ADAM17: variants seen among roughly 807,000 people sequenced by gnomAD.
ADAM17 encodes the protein ADAM metallopeptidase domain 17.
Under a neutral mutation model 96.7 loss-of-function variants are expected in ADAM17, and 39 were observed. The ratio of observed to expected loss-of-function variants is 0.40; its 90% CI spans 0.31 to 0.53. The LOEUF is 0.53. ADAM17 is among the 20% of genes least tolerant of loss of function. The pLI, the probability that ADAM17 is intolerant of heterozygous loss-of-function variation, is 0.44. For synonymous variants in ADAM17, 344 were observed against 359.2 expected (o/e 0.96, Z 0.48); for missense variants, 777 against 1,013.2 (o/e 0.77, Z 3.17).
intron 13 of ADAM17, among the ~76,000 whole-genome samples, chr2:9,498,755 GGTT>G: frequency 6.6e-6 from 1 of 152,236 alleles, no homozygotes; most frequent in African/African-American, 2.4e-5. Flanking sequence ...GCTCAGGGAA[GGTT>G]TATATTGTGG....
At chr2:9,541,827 T>G (rs1043227695) in intron 2 of ADAM17, among the ~76,000 whole-genome samples, 4 of 149,880 alleles carry the variant, frequency 2.7e-5, no homozygotes, top group African/African-American at 9.8e-5. Flanking sequence ...TCACTTGAGG[T>G]GAGGAGTTCA....
rs146439638 is a variant in ADAM17, at chr2:9,502,749, C to T, written c.1545-473G>A. ...CAAAAATTAGCTGGGCGTGGTGGTG[C>T]GCTCCTGTAATCCCAGCTACTTAGA... On this transcript the variant is annotated intron_variant, in intron 12 of 18. Coordinates refer to ENST00000310823, the MANE Select transcript of ADAM17 (RefSeq NM_003183.6). 4.6e-3 allele frequency among the ~76,000 whole-genome samples: 692 copies of T among 151,110 alleles called. 9 individuals are homozygous for T. The highest frequency in any genetic ancestry group is 0.016 in the African/African-American group (644 of 41,114).
intron 8 of ADAM17, among the ~76,000 whole-genome samples, chr2:9,518,902 G>C (rs977488660): frequency 2.0e-5 from 3 of 151,506 alleles, no homozygotes; most frequent in Non-Finnish European, 4.4e-5. Flanking sequence ...AATTTGGGGG[G>C]GGGGTTTGAT....
At chr2:9,532,149 A>G (rs1267862462) in intron 4 of ADAM17, among the ~76,000 whole-genome samples, 1 of 152,174 alleles carries the variant, frequency 6.6e-6, no homozygotes, top group African/African-American at 2.4e-5. Context: ...AATAAGATAT[A>G]TATTTTTTCC....
intron 10 of ADAM17, among the ~76,000 whole-genome samples, chr2:9,516,104 C>A (rs919201120): frequency 2.0e-5 from 3 of 152,120 alleles, no homozygotes; most frequent in Non-Finnish European, 4.4e-5. Flanking sequence ...TGACATATGA[C>A]GCTGAGCATC....
rs17525468 is a variant in ADAM17, at chr2:9,527,622, T to C, written c.619+164A>G. On this transcript the variant is annotated intron_variant, in intron 5 of 18. Transcript: ENST00000310823. Reference sequence around the variant, plus strand: ...TCCAGAGTTTTCAACTCTTACATTATAAACAAAAGAAGATGAAAATTTCTG... The same window carrying C: ...TCCAGAGTTTTCAACTCTTACATTACAAACAAAAGAAGATGAAAATTTCTG... 75,739 of 435,774 alleles carry C rather than the reference T, an allele frequency of 0.17. 7,278 individuals are homozygous for C. The highest frequency in any genetic ancestry group is 0.26 in the Middle Eastern group (427 of 1,656). The allele number at this position is 435,774 out of a possible 1,614,324, so 27.0% of individuals were successfully genotyped here.
Position 9,503,890 on chromosome 2 carries a change from T to C in ADAM17, c.1544+1276A>G, listed in dbSNP as rs576148493. Among the ~76,000 whole-genome samples, 11 of 149,832 alleles carry C rather than the reference T, an allele frequency of 7.3e-5. No homozygotes were observed. The East Asian group carries it at 2.0e-3, about 27-fold the overall frequency. On this transcript the variant is annotated intron_variant, in intron 12 of 18. Coordinates refer to ENST00000310823, the MANE Select transcript of ADAM17 (RefSeq NM_003183.6). ...TATTTGGGCCAGGCATGGTGCCTCATACCTAGAATCTCCACACTTTAGGAG... is the reference window on the plus strand; with the variant it reads ...TATTTGGGCCAGGCATGGTGCCTCACACCTAGAATCTCCACACTTTAGGAG...
chr2:9,552,672 A>G (rs1054700042), intron 1 of ADAM17, among the ~76,000 whole-genome samples: 6 of 152,312 alleles, frequency 3.9e-5, no homozygotes, highest in African/African-American at 1.4e-4. Context: ...CTTTTATTAA[A>G]AGTAACACAA....
intron 12 of ADAM17, among the ~76,000 whole-genome samples, chr2:9,504,798 G>C (rs1275107099): frequency 1.3e-5 from 2 of 151,612 alleles, no homozygotes; most frequent in African/African-American, 4.8e-5. Context: ...TTTAACTATA[G>C]GACTGCTAAA....
intron 11 of ADAM17, among the ~76,000 whole-genome samples, chr2:9,508,208 G>T (rs1403733031): frequency 6.6e-6 from 1 of 152,096 alleles, no homozygotes; most frequent in Non-Finnish European, 1.5e-5. Context: ...AACCATATGT[G>T]GCTACTTAAA....
chr2:9,522,891 A>G (rs1664370154), intron 7 of ADAM17, among the ~76,000 whole-genome samples: 1 of 152,226 alleles, frequency 6.6e-6, no homozygotes, highest in African/African-American at 2.4e-5. Context: ...AGTATTTTTT[A>G]GTAAATTTTC....
intron 10 of ADAM17, 55 bp downstream of exon 10, chr2:9,517,844 CTG>C: frequency 8.5e-7 from 1 of 1,170,202 alleles, no homozygotes; most frequent in Non-Finnish European, 1.2e-6. Context: ...AAATATATAA[CTG>C]AGGTTCTACT....
At chr2:9,544,405 G>C (rs1372343348) in intron 1 of ADAM17, among the ~76,000 whole-genome samples, 1 of 152,120 alleles carries the variant, frequency 6.6e-6, no homozygotes, top group Non-Finnish European at 1.5e-5. Context: ...GGTGGTGCAT[G>C]CCTGTAATCC....
chr2:9,509,421 A>G (rs986805465), intron 11 of ADAM17, among the ~76,000 whole-genome samples: 17 of 152,214 alleles, frequency 1.1e-4, no homozygotes, highest in Non-Finnish European at 7.4e-5. Context: ...CCCAATAGTA[A>G]ATGATTCCAT....
At chr2:9,545,492 C>G (rs941414591) in intron 1 of ADAM17, among the ~76,000 whole-genome samples, 1 of 151,742 alleles carries the variant, frequency 6.6e-6, no homozygotes, top group African/African-American at 2.4e-5. Flanking sequence ...ACTGCTTGAA[C>G]CTGGGAGGCG....
intron 10 of ADAM17, among the ~76,000 whole-genome samples, chr2:9,517,120 G>A (rs1664095838): frequency 6.6e-6 from 1 of 152,172 alleles, no homozygotes; most frequent in African/African-American, 2.4e-5. Context: ...TTGAGCCACT[G>A]AGGGTACCTC....
chr2:9,555,640 G>A lies in ADAM17; in HGVS notation c.-35C>T. On this transcript the variant is annotated 5_prime_UTR_variant, in exon 1 of 19. Coordinates refer to ENST00000310823, the MANE Select transcript of ADAM17 (RefSeq NM_003183.6). ...CCCGCTACCGACTCCACCTCTCTGG[G>A]CAGCCTTCGCCTGACGGGGTTTCGG... 6.6e-7 allele frequency: 1 copy of A among 1,512,316 alleles called. No individual in the cohort carries two copies. Among genetic ancestry groups the A allele is most frequent in the Non-Finnish European group, 8.9e-7 (1 of 1,120,964 alleles). The allele number at this position is 1,512,316 out of a possible 1,614,324, so 93.7% of individuals were successfully genotyped here. A position where few individuals can be genotyped will look rare whatever the true frequency, so the allele number is the denominator to read the frequency against.
rs781314197 is a variant in ADAM17 at position 9,490,182 on chromosome 2, ACT to A, written c.2468_2469del (p.Glu823ValfsTer4). 69 of 1,591,080 alleles carry A rather than the reference ACT, an allele frequency of 4.3e-5. No homozygotes were observed. The highest frequency in any genetic ancestry group is 6.8e-5 in the East Asian group (3 of 44,246). On this transcript the variant is annotated frameshift_variant, in exon 19 of 19. Coordinates refer to ENST00000310823, the MANE Select transcript of ADAM17 (RefSeq NM_003183.6). LOFTEE classifies it high-confidence loss of function. ...RQNRVDSKET[E>X]C ...CAGAAGAGCTGAGAACTAAATTAGC[ACT>A]CTGTTTCTTTGCTGTCAACACGATT...
At position 9,555,693 on chromosome 2, in the gene ADAM17, G is replaced by T; in HGVS notation, c.-88C>A. ...AACTGCTCACATCGGGGGAGGACGG[G>T]ATCCGCCCGGCCTAGCCCCTCAATC... On this transcript the variant is annotated 5_prime_UTR_variant, in exon 1 of 19. Transcript: ENST00000310823. The T allele has an allele frequency of 8.8e-7, 1 of 1,134,156 alleles. No individual in the cohort carries two copies. The highest frequency in any genetic ancestry group is 1.2e-6 in the Non-Finnish European group (1 of 816,466). 70.3% of individuals were successfully genotyped at this position (1,134,156 alleles called of 1,614,324 possible). A position where few individuals can be genotyped will look rare whatever the true frequency, so the allele number is the denominator to read the frequency against.
Sources: allele counts gnomAD v4.1 joint callset (sites outside exome capture counted in the v4.1 genomes callset), GRCh38; gene constraint gnomAD v4.1.1; transcripts MANE v1.5; gene names NCBI Gene and HGNC (gene_info 2026-07-23, HGNC 2026-07-21).